The following SLC12A7 variants were observed in gnomAD, a reference collection of about 807,000 sequenced individuals.
The protein encoded by SLC12A7 is K-Cl cotransporter 4.
In SLC12A7, 100 loss-of-function variants were observed where a neutral mutation model predicts 120.6. That is an observed-to-expected ratio of 0.83 (90% confidence interval 0.71 to 0.98). SLC12A7 has a LOEUF of 0.98. SLC12A7 is among the 50% of genes least tolerant of loss of function. SLC12A7 has a pLI of 0.00. For synonymous variants in SLC12A7, 760 were observed against 678.0 expected (o/e 1.12, Z -1.88); for missense variants, 1,373 against 1,548.1 (o/e 0.89, Z 1.90).
Position 1,095,331 on chromosome 5 carries a change from C to T in SLC12A7, c.125-1083G>A, listed in dbSNP as rs141554159. Among the ~76,000 whole-genome samples, 65 of 152,372 alleles carry T rather than the reference C, an allele frequency of 4.3e-4. 1 individual carries two copies. In the East Asian group the frequency reaches 0.011, roughly 27 times the overall value. On this transcript the variant is annotated intron_variant, in intron 1 of 23. Transcript: ENST00000264930. ...TCGGCACAGGCCACTGCAGAGACCA[C>T]AGCCTGCCCGGGACCCCTGAGCAGC...
At chr5:1,120,829 C>T in the SLC12A7 span, among the ~76,000 whole-genome samples, 6 of 152,166 alleles carry the variant, frequency 3.9e-5, no homozygotes, top group South Asian at 2.1e-4. Flanking sequence ...GCAGGACTCA[C>T]CCTGGGGTGC....
At chr5:1,087,586 G>T (rs1166934437) in intron 5 of SLC12A7, among the ~76,000 whole-genome samples, 1 of 152,228 alleles carries the variant, frequency 6.6e-6, no homozygotes, top group Non-Finnish European at 1.5e-5. Context: ...TCCCTTGGCT[G>T]CGGAGGGAGA....
chr5:1,114,406 C>G (rs1447483945), upstream of SLC12A7, among the ~76,000 whole-genome samples: 2 of 152,158 alleles, frequency 1.3e-5, no homozygotes, highest in East Asian at 1.9e-4. Context: ...AGACCCTTGC[C>G]GGAGCCCAGA....
chr5:1,096,055 T>G (rs935639167), intron 1 of SLC12A7, among the ~76,000 whole-genome samples: 1 of 152,224 alleles, frequency 6.6e-6, no homozygotes, highest in Non-Finnish European at 1.5e-5. Context: ...AGACTTCTTT[T>G]TCTAGAGACC....
chr5:1,141,214 GTCTATT>G, the SLC12A7 span, among the ~76,000 whole-genome samples: 14 of 152,258 alleles, frequency 9.2e-5, no homozygotes, highest in East Asian at 2.7e-3. Flanking sequence ...CTCTGTGAGT[GTCTATT>G]TCTGTGTCCA....
chr5:1,093,509 C>CGGGGACTGGGA (rs765220219), intron 3 of SLC12A7, 24 bp downstream of exon 3: 1 of 1,567,160 alleles, frequency 6.4e-7, no homozygotes, highest in Non-Finnish European at 8.6e-7. Flanking sequence ...GGGGACTGGG[C>CGGGGACTGGGA]GGGCACGGGC....
the SLC12A7 span, among the ~76,000 whole-genome samples, chr5:1,131,095 C>G: frequency 6.6e-6 from 1 of 152,072 alleles, no homozygotes; most frequent in African/African-American, 2.4e-5. Context: ...CTAATCAAAG[C>G]AAAACAGAGA....
At chr5:1,062,739 C>G (rs560856193) in intron 20 of SLC12A7, among the ~76,000 whole-genome samples, 1 of 151,980 alleles carries the variant, frequency 6.6e-6, no homozygotes, top group African/African-American at 2.4e-5. Context: ...CTGGAGAGAC[C>G]GCACCTCCCA....
At chr5:1,092,286 A>C (rs961193830) in intron 3 of SLC12A7, among the ~76,000 whole-genome samples, 2 of 152,238 alleles carry the variant, frequency 1.3e-5, no homozygotes, top group Non-Finnish European at 2.9e-5. Context: ...CGCTGGCAGG[A>C]GGCACTCAGG....
chr5:1,098,115 C>G (rs1409449953), intron 1 of SLC12A7, among the ~76,000 whole-genome samples: 3 of 134,770 alleles, frequency 2.2e-5, no homozygotes, highest in African/African-American at 5.8e-5. Context: ...ACCCAGCCCC[C>G]CTCTAACCCT....
At chr5:1,111,074 G>A (rs1042004807) in intron 1 of SLC12A7, among the ~76,000 whole-genome samples, 7 of 152,312 alleles carry the variant, frequency 4.6e-5, no homozygotes, top group Non-Finnish European at 7.4e-5. Flanking sequence ...CTGCCAGCAC[G>A]CGGGGTGGGG....
rs752458385 is a variant in SLC12A7 at position 1,081,609 on chromosome 5, A to T, written c.1265T>A (p.Leu422Gln). The T allele has an allele frequency of 5.0e-6, 8 of 1,607,270 alleles. No individual in the cohort carries two copies. In the Admixed American group the frequency reaches 1.3e-4, roughly 27 times the overall value. The change falls in exon 9 of 24, where the codon CTG becomes CAG. Residue 422 changes from leucine to glutamine, a missense_variant. Transcript: ENST00000264930. ...GGAAGGGAAGTAGATGCCAACCAGC[A>T]GGGTGAAGGAGGCCGCGATGTCGGT... The part of the protein sequence containing the change: ...VLTDIAASFT[L>Q]LVGIYFPSVT...
intron 21 of SLC12A7, among the ~76,000 whole-genome samples, chr5:1,059,931 G>C (rs1043190238): frequency 1.3e-5 from 2 of 152,232 alleles, no homozygotes; most frequent in African/African-American, 2.4e-5. Context: ...GCCATCGTAA[G>C]CAGCTGTGGG....
In SLC12A7 at chr5:1,106,106, C is replaced by G. The variant is rs563809553; in HGVS notation, c.124+5762G>C. ...GCCAGGAACTGTGGTTAATACTTAA[C>G]GTCAAACATCAAACTTTGCCCTCCA... is the stretch of plus-strand genomic sequence containing the variant. On this transcript the variant is annotated intron_variant, in intron 1 of 23. Transcript: ENST00000264930. Among the ~76,000 whole-genome samples, 7 of 152,358 alleles carry G rather than the reference C, an allele frequency of 4.6e-5. No individual in the cohort carries two copies. The East Asian group carries it at 1.2e-3, about 25-fold the overall frequency.
At chr5:1,084,069 C>A (rs1285911992) in intron 7 of SLC12A7, 113 bp from the exon 8 acceptor site, 3 of 807,378 alleles carry the variant, frequency 3.7e-6, no homozygotes, top group African/African-American at 3.4e-5. Context: ...GCTCCTGGCA[C>A]CCTGCACCTC....
the SLC12A7 span, among the ~76,000 whole-genome samples, chr5:1,149,665 T>C: frequency 1.3e-5 from 2 of 152,212 alleles, no homozygotes; most frequent in Non-Finnish European, 2.9e-5. Context: ...TTGATTTGCA[T>C]TTCTCTAGTG....
chr5:1,075,576 C>A, intron 14 of SLC12A7, 86 bp from the exon 15 acceptor site: 2 of 1,493,404 alleles, frequency 1.3e-6, no homozygotes, highest in Non-Finnish European at 1.8e-6. Flanking sequence ...CTGCCCCTCC[C>A]TCAGTAAAAC....
At chr5:1,143,161 G>A in the SLC12A7 span, among the ~76,000 whole-genome samples, 2 of 152,216 alleles carry the variant, frequency 1.3e-5, no homozygotes, top group African/African-American at 2.4e-5. Flanking sequence ...GATCACCTGC[G>A]GAAGGTGGCA....
At chr5:1,102,643 A>G (rs1742130766) in intron 1 of SLC12A7, among the ~76,000 whole-genome samples, 1 of 152,140 alleles carries the variant, frequency 6.6e-6, no homozygotes, top group Non-Finnish European at 1.5e-5. Flanking sequence ...GGACCTGTGC[A>G]CACAGAGAGG....
Sources: allele counts gnomAD v4.1 joint callset (sites outside exome capture counted in the v4.1 genomes callset), GRCh38; gene constraint gnomAD v4.1.1; transcripts MANE v1.5; gene names NCBI Gene and HGNC (gene_info 2026-07-23, HGNC 2026-07-21).